Variants in MID1 observed in about 807,000 individuals in gnomAD.
MID1 encodes midline 1.
MID1 carries 7 observed loss-of-function variants against 40.4 expected under a neutral mutation model. The ratio of observed to expected loss-of-function variants is 0.17; its 90% CI spans 0.10 to 0.33. The LOEUF (loss-of-function observed/expected upper bound fraction) is 0.33, where lower values mean the gene tolerates loss of function less well. Ranked by LOEUF, MID1 falls within the 10% of genes least tolerant of loss-of-function variation. MID1 has a pLI of 1.00. For missense variants in MID1, 367 were observed against 558.5 expected (o/e 0.66, Z 3.46); for synonymous variants, 229 against 221.2 (o/e 1.04, Z -0.31).
chrX:10,599,609 C>T (rs1455610982), intron 1 of MID1, among the ~76,000 whole-genome samples: 1 of 112,127 alleles, frequency 8.9e-6, no homozygotes, highest in Non-Finnish European at 1.9e-5. Context: ...TTAAATTTTT[C>T]CAGGCCTCAT....
At chrX:10,472,850 C>T (rs978985096) in intron 6 of MID1, among the ~76,000 whole-genome samples, 6 of 112,091 alleles carry the variant, frequency 5.4e-5, no homozygotes, top group African/African-American at 1.9e-4. Context: ...GGTCTGAGGT[C>T]GTCACTGAAC....
At chrX:10,634,196 GA>G (rs926271669) in intron 1 of MID1, among the ~76,000 whole-genome samples, 6 of 110,935 alleles carry the variant, frequency 5.4e-5, no homozygotes, top group African/African-American at 2.0e-4. Flanking sequence ...AAAATGCTAA[GA>G]AAAAAAATGA....
chrX:10,724,860 T>C (rs1460407484), intron 1 of MID1, among the ~76,000 whole-genome samples: 1 of 112,066 alleles, frequency 8.9e-6, no homozygotes, highest in Non-Finnish European at 1.9e-5. Context: ...TTGTACAATG[T>C]ATTCTGCAAT....
chrX:10,605,243 T>A (rs182246505), intron 1 of MID1, among the ~76,000 whole-genome samples: 41 of 112,135 alleles, frequency 3.7e-4, no homozygotes, highest in African/African-American at 1.3e-3. Flanking sequence ...TTTGGGGTTC[T>A]GGCAACTCTT....
chrX:10,530,000 T>C lies in MID1; in HGVS notation c.661-6813A>G, dbSNP rs1314755967. Among the ~76,000 whole-genome samples, 3 of 112,118 alleles carry C rather than the reference T, an allele frequency of 2.7e-5. No homozygotes were observed. The Admixed American group carries it at 2.8e-4, about 11-fold the overall frequency. ...TTTGCTAAACAACAGAAGTCTTCCA[T>C]GCTTTCAGGCTTTTCTCATTGGTAC... On this transcript the variant is annotated intron_variant, in intron 2 of 9. Coordinates refer to ENST00000317552, the MANE Select transcript of MID1 (RefSeq NM_000381.4).
intron 1 of MID1, among the ~76,000 whole-genome samples, chrX:10,590,247 C>T (rs1055795107): frequency 8.9e-5 from 10 of 111,782 alleles, no homozygotes; most frequent in Admixed American, 1.9e-4. Context: ...GGTTCTTAGG[C>T]GCCGGGCTAC....
intron 1 of MID1, among the ~76,000 whole-genome samples, chrX:10,726,773 C>G (rs1285111147): frequency 3.6e-5 from 4 of 112,650 alleles, no homozygotes; most frequent in African/African-American, 1.3e-4. Flanking sequence ...CTTCAGCATT[C>G]TGGCAACTCG....
At chrX:10,798,270 T>C (rs907182246) in intron 1 of MID1, among the ~76,000 whole-genome samples, 1 of 112,250 alleles carries the variant, frequency 8.9e-6, no homozygotes, top group Admixed American at 9.5e-5. Flanking sequence ...ACTTGTCACA[T>C]TGCATTAAAA....
At chrX:10,681,997 G>A (rs1602514294) in intron 1 of MID1, among the ~76,000 whole-genome samples, 1 of 111,416 alleles carries the variant, frequency 9.0e-6, no homozygotes, top group East Asian at 2.8e-4. Flanking sequence ...AACATTCTGT[G>A]AGAAGCTACA....
intron 3 of MID1, among the ~76,000 whole-genome samples, chrX:10,522,726 G>A (rs1932760451): frequency 8.9e-6 from 1 of 111,834 alleles, no homozygotes; most frequent in Non-Finnish European, 1.9e-5. Flanking sequence ...TCGATCTCCT[G>A]ACCTCGTGAT....
At chrX:10,547,752 A>G (rs747188938) in intron 2 of MID1, among the ~76,000 whole-genome samples, 3 of 111,411 alleles carry the variant, frequency 2.7e-5, no homozygotes, top group South Asian at 7.8e-4. Context: ...ACAATCTCAT[A>G]TATTCTCAAA....
At chrX:10,724,081 G>A (rs2043374793) in intron 1 of MID1, among the ~76,000 whole-genome samples, 1 of 111,261 alleles carries the variant, frequency 9.0e-6, no homozygotes, top group Non-Finnish European at 1.9e-5. Context: ...TTATTTTGTT[G>A]AGACAGGGTC....
At chrX:10,613,469 T>C (rs1046502960) in intron 1 of MID1, among the ~76,000 whole-genome samples, 4 of 107,895 alleles carry the variant, frequency 3.7e-5, no homozygotes, top group Non-Finnish European at 5.7e-5. Flanking sequence ...ACCTTGGGCA[T>C]GCCACTCACC....
chrX:10,723,126 G>T (rs1244784749), intron 1 of MID1, among the ~76,000 whole-genome samples: 1 of 112,016 alleles, frequency 8.9e-6, no homozygotes, highest in Non-Finnish European at 1.9e-5. Flanking sequence ...CAAACCACAT[G>T]AAATTAGCTT....
chrX:10,684,339 C>T (rs2043078735), intron 1 of MID1, among the ~76,000 whole-genome samples: 1 of 109,470 alleles, frequency 9.1e-6, no homozygotes, highest in Non-Finnish European at 1.9e-5. Context: ...TGCTTGCTTG[C>T]TTGCTTGCTT....
intron 7 of MID1, among the ~76,000 whole-genome samples, chrX:10,465,383 ATAT>A (rs1929332329): frequency 9.2e-6 from 1 of 108,215 alleles, no homozygotes; most frequent in Non-Finnish European, 1.9e-5. Context: ...TAACTGTGTA[ATAT>A]TATCTCCTTA....
At chrX:10,693,262 A>G (rs759723043) in intron 1 of MID1, among the ~76,000 whole-genome samples, 6 of 101,484 alleles carry the variant, frequency 5.9e-5, no homozygotes, top group South Asian at 9.4e-4. Flanking sequence ...TGGTATGATC[A>G]TGGCTCACTG....
At chrX:10,684,777 T>C (rs1197835336) in intron 1 of MID1, among the ~76,000 whole-genome samples, 3 of 111,722 alleles carry the variant, frequency 2.7e-5, no homozygotes, top group Admixed American at 9.6e-5. Context: ...AATGTGCATA[T>C]TATAAAATTT....
chrX:10,708,382 A>G (rs1224965295), intron 1 of MID1, among the ~76,000 whole-genome samples: 1 of 111,919 alleles, frequency 8.9e-6, no homozygotes, highest in Non-Finnish European at 1.9e-5. Flanking sequence ...TCCCACTGTT[A>G]AGCAGTCAGG....
Sources: allele counts gnomAD v4.1 joint callset (sites outside exome capture counted in the v4.1 genomes callset), GRCh38; gene constraint gnomAD v4.1.1; transcripts MANE v1.5; gene names NCBI Gene and HGNC (gene_info 2026-07-23, HGNC 2026-07-21).